The following VCL variants were observed in gnomAD, a reference collection of about 807,000 sequenced individuals.
VCL encodes the protein vinculin, also known as epididymis luminal protein 114.
Under a neutral mutation model 125.7 loss-of-function variants are expected in VCL, and 47 were observed. The observed-to-expected ratio is 0.37, with a 90% CI of 0.30 to 0.48. The LOEUF is 0.48. Ranked by LOEUF, VCL falls within the 20% of genes least tolerant of loss-of-function variation. The probability of loss-of-function intolerance (pLI) is 0.99; values close to 1 mark genes in which losing one functional copy is unlikely to be tolerated. For missense variants in VCL, 1,069 were observed against 1,455.5 expected, an observed-to-expected ratio of 0.73 and a Z score of 4.32; for synonymous variants, 458 against 514.6, an observed-to-expected ratio of 0.89 and a Z score of 1.49.
chr10:74,092,143 C>T (rs1839900314), intron 10 of VCL, among the ~76,000 whole-genome samples: 1 of 151,948 alleles, frequency 6.6e-6, no homozygotes. Flanking sequence ...CTCTTGACCT[C>T]GTGATCCACC....
chr10:74,108,664 G>A (rs1255338930), intron 17 of VCL, among the ~76,000 whole-genome samples: 2 of 152,138 alleles, frequency 1.3e-5, no homozygotes, highest in Admixed American at 6.5e-5. Flanking sequence ...GTTTTTAGTA[G>A]AGATGGGGTT....
At chr10:74,102,510 T>C (rs1307192773) in intron 14 of VCL, among the ~76,000 whole-genome samples, 1 of 152,238 alleles carries the variant, frequency 6.6e-6, no homozygotes, top group Non-Finnish European at 1.5e-5. Context: ...GTGCCTATGA[T>C]ACATTCGAAA....
intron 18 of VCL, among the ~76,000 whole-genome samples, chr10:74,110,893 C>G (rs1210697225): frequency 6.6e-6 from 1 of 152,086 alleles, no homozygotes; most frequent in Non-Finnish European, 1.5e-5. Context: ...ATCTCCATCC[C>G]TGGTTCTAAA....
chr10:74,068,714 T>TG (rs1297121972), intron 2 of VCL, among the ~76,000 whole-genome samples: 2 of 152,172 alleles, frequency 1.3e-5, no homozygotes, highest in African/African-American at 4.8e-5. Flanking sequence ...TGTAAAAAAG[T>TG]GGGGAAATGT....
intron 10 of VCL, among the ~76,000 whole-genome samples, chr10:74,092,049 C>T (rs1839897965): frequency 2.6e-5 from 4 of 151,864 alleles, no homozygotes; most frequent in Admixed American, 2.0e-4. Flanking sequence ...GCTGGGACTA[C>T]AGGCGCACAC....
intron 16 of VCL, 149 bp downstream of exon 16, chr10:74,105,502 T>C (rs1410413613): frequency 9.5e-7 from 1 of 1,055,314 alleles, no homozygotes; most frequent in East Asian, 2.6e-5. Context: ...ATTAATCTTT[T>C]TCCATCCAAG....
intron 1 of VCL, among the ~76,000 whole-genome samples, chr10:74,039,546 G>A (rs1841054117): frequency 6.6e-6 from 1 of 151,870 alleles, no homozygotes; most frequent in Non-Finnish European, 1.5e-5. Context: ...AGTTAGGTAG[G>A]CAAAGGCAGG....
At chr10:74,072,334 A>G (rs1159194833) in intron 4 of VCL, among the ~76,000 whole-genome samples, 2 of 152,216 alleles carry the variant, frequency 1.3e-5, no homozygotes, top group South Asian at 2.1e-4. Flanking sequence ...TTCAGCCACT[A>G]GATTCAGTAC....
chr10:74,072,404 T>C (rs1268090606), intron 4 of VCL, among the ~76,000 whole-genome samples: 1 of 152,206 alleles, frequency 6.6e-6, no homozygotes, highest in Non-Finnish European at 1.5e-5. Flanking sequence ...CCTGTATGCA[T>C]AGAAGCCTGG....
chr10:74,073,490 A>C (rs1839524505), intron 5 of VCL, among the ~76,000 whole-genome samples: 1 of 152,194 alleles, frequency 6.6e-6, no homozygotes, highest in South Asian at 2.1e-4. Flanking sequence ...TAGGATATTA[A>C]ATTTTCACAC....
intron 1 of VCL, among the ~76,000 whole-genome samples, chr10:74,039,684 G>A (rs896993993): frequency 2.0e-5 from 3 of 151,860 alleles, no homozygotes; most frequent in Non-Finnish European, 2.9e-5. Context: ...TGCTCCGGAC[G>A]GAGGATCACT....
intron 17 of VCL, among the ~76,000 whole-genome samples, chr10:74,108,348 G>A (rs769474609): frequency 1.1e-4 from 16 of 152,194 alleles, no homozygotes; most frequent in Non-Finnish European, 1.5e-4. Context: ...TGCCTATGTA[G>A]CTGCTTTCTG....
intron 11 of VCL, 148 bp downstream of exon 11, chr10:74,094,609 G>A (rs995911549): frequency 1.9e-6 from 2 of 1,068,996 alleles, no homozygotes; most frequent in South Asian, 1.4e-5. Context: ...AATGCAGCCA[G>A]TAAAATTCCT....
chr10:74,109,280 T>G, intron 18 of VCL, 124 bp downstream of exon 18: 1 of 1,212,306 alleles, frequency 8.2e-7, no homozygotes. Flanking sequence ...GTTCCTGTGT[T>G]GCCAATAGCA....
intron 19 of VCL, among the ~76,000 whole-genome samples, chr10:74,113,306 A>G (rs1300492322): frequency 6.6e-6 from 1 of 152,156 alleles, no homozygotes; most frequent in Non-Finnish European, 1.5e-5. Flanking sequence ...GTTTTAGTAA[A>G]CCAAAATGCC....
intron 1 of VCL, among the ~76,000 whole-genome samples, chr10:74,038,307 A>G (rs997408603): frequency 6.6e-6 from 1 of 152,160 alleles, no homozygotes; most frequent in African/African-American, 2.4e-5. Flanking sequence ...TATGCTGGGA[A>G]CATTCCAAGT....
chr10:74,080,529 A>G (rs1450047732), intron 6 of VCL, among the ~76,000 whole-genome samples: 2 of 152,210 alleles, frequency 1.3e-5, no homozygotes, highest in African/African-American at 4.8e-5. Context: ...TGTCAGTTGA[A>G]TTTAGTTTCC....
chr10:74,094,333 A>G lies in VCL; in HGVS notation c.1415A>G (p.Asn472Ser). 1 of 1,614,200 alleles carries G rather than the reference A, an allele frequency of 6.2e-7. No homozygotes were observed. Among genetic ancestry groups the G allele is most frequent in the Non-Finnish European group, 8.5e-7 (1 of 1,180,040 alleles). Reference protein sequence around the residue: ...LAKQVATALQNLQTKTNRAVA... With the variant: ...LAKQVATALQSLQTKTNRAVA... ...AAACAGGTGGCCACGGCCCTGCAGAACCTGCAGACCAAAACCAACCGGGCT... is the reference window on the plus strand; with the variant it reads ...AAACAGGTGGCCACGGCCCTGCAGAGCCTGCAGACCAAAACCAACCGGGCT... The change falls in exon 11 of 22, where the codon AAC becomes AGC. Residue 472 changes from asparagine to serine, a missense_variant. By Grantham distance (46) the Asn-to-Ser change is conservative. Around this residue, in one of 6 missense-constraint regions of VCL, gnomAD observed 760 missense variants for 928.9 expected, o/e 0.82. Transcript: ENST00000211998.
chr10:74,102,590 A>G (rs1840077330), intron 14 of VCL, among the ~76,000 whole-genome samples: 1 of 152,234 alleles, frequency 6.6e-6, no homozygotes, highest in Non-Finnish European at 1.5e-5. Context: ...GGGGGAAATA[A>G]ACATGTCTCT....
Sources: gnomAD v4.1 joint callset for allele counts (sites outside exome capture counted in the v4.1 genomes callset) on GRCh38, gnomAD v4.1.1 for gene constraint, gnomAD v4.1.1 regional missense constraint, MANE v1.5 for transcripts, NCBI Gene and HGNC (gene_info 2026-07-23, HGNC 2026-07-21) for gene names.